DNAH9: variants seen among roughly 807,000 people sequenced by gnomAD.
The protein encoded by DNAH9 is DNAH9 variant protein.
A neutral mutation model predicts 471.6 loss-of-function variants in DNAH9; 345 were observed. The ratio of observed to expected loss-of-function variants is 0.73; its 90% CI spans 0.67 to 0.80. The LOEUF is 0.80. DNAH9 is among the 30% of genes least tolerant of loss of function. DNAH9 has a pLI of 0.00. For missense variants in DNAH9, 5,407 were observed against 5,609.2 expected, an observed-to-expected ratio of 0.96 and a Z score of 1.15; for synonymous variants, 2,093 against 2,123.6, an observed-to-expected ratio of 0.99 and a Z score of 0.40.
rs760330537 is a variant in DNAH9, at chr17:11,826,820, CTT to C, written c.9246+3807_9246+3808del. Reference sequence around the variant, plus strand: ...TGTCCTCTTGTTGAGTCCCTACTTTCTTTTTTTTTTTTTTTTTTTTTTGAGAC... The same window carrying C: ...TGTCCTCTTGTTGAGTCCCTACTTTCTTTTTTTTTTTTTTTTTTTTGAGAC... On this transcript the variant is annotated intron_variant, in intron 48 of 68. Transcript: ENST00000262442. Among the ~76,000 whole-genome samples the C allele has an allele frequency of 6.3e-3, 650 of 102,934 alleles. 4 individuals carry two copies. Among genetic ancestry groups the C allele is most frequent in the South Asian group, 0.019 (56 of 2,874 alleles). The allele number at this position is 102,934 out of a possible 152,430, so 67.5% of individuals were successfully genotyped here.
intron 43 of DNAH9, among the ~76,000 whole-genome samples, chr17:11,804,231 A>G (rs931424150): frequency 6.6e-6 from 1 of 152,248 alleles, no homozygotes; most frequent in African/African-American, 2.4e-5. Context: ...GTAAAATCAT[A>G]AAATTACTGA....
intron 17 of DNAH9, among the ~76,000 whole-genome samples, chr17:11,673,791 C>T (rs1308871429): frequency 6.6e-6 from 1 of 152,068 alleles, no homozygotes; most frequent in Non-Finnish European, 1.5e-5. Context: ...CAAGATGTTA[C>T]TAGGGTCCTA....
chr17:11,934,105 G>A (rs1974614354), intron 65 of DNAH9, 34 bp downstream of exon 65: 3 of 1,594,070 alleles, frequency 1.9e-6, no homozygotes, highest in South Asian at 1.1e-5. Context: ...GATGTCGTGA[G>A]GGTGCTCACA....
At chr17:11,745,595 G>C (rs1317527568) in intron 31 of DNAH9, among the ~76,000 whole-genome samples, 5 of 151,980 alleles carry the variant, frequency 3.3e-5, no homozygotes, top group Non-Finnish European at 4.4e-5. Flanking sequence ...GACAGACACA[G>C]ACACACACAC....
chr17:11,642,521 C>T (rs938037242), intron 10 of DNAH9, among the ~76,000 whole-genome samples: 16 of 152,112 alleles, frequency 1.1e-4, no homozygotes, highest in Admixed American at 9.8e-4. Flanking sequence ...CATTGCACTC[C>T]AGCCTGGGCA....
At chr17:11,684,971 G>C (rs2074213045) in intron 19 of DNAH9, among the ~76,000 whole-genome samples, 1 of 152,196 alleles carries the variant, frequency 6.6e-6, no homozygotes, top group Non-Finnish European at 1.5e-5. Flanking sequence ...CAGTTAACCT[G>C]ACTCATTCAC....
intron 17 of DNAH9, among the ~76,000 whole-genome samples, chr17:11,673,950 T>C (rs2074011405): frequency 6.6e-6 from 1 of 152,222 alleles, no homozygotes; most frequent in African/African-American, 2.4e-5. Flanking sequence ...TAAAACTTCA[T>C]AAAAATGATA....
intron 53 of DNAH9, among the ~76,000 whole-genome samples, chr17:11,876,033 T>C (rs1972467072): frequency 6.6e-6 from 1 of 152,122 alleles, no homozygotes; most frequent in African/African-American, 2.4e-5. Context: ...AACTGGTTAA[T>C]AACCAGTAAG....
At chr17:11,934,864 G>A (rs187827903) in intron 65 of DNAH9, among the ~76,000 whole-genome samples, 17 of 152,336 alleles carry the variant, frequency 1.1e-4, no homozygotes, top group Admixed American at 2.6e-4. Context: ...CTTGTGCCAA[G>A]ATCACTCAGG....
intron 35 of DNAH9, 82 bp from the exon 36 acceptor site, chr17:11,763,358 G>T: frequency 7.9e-7 from 1 of 1,261,982 alleles, no homozygotes; most frequent in East Asian, 2.3e-5. Flanking sequence ...CACTGAAACT[G>T]AGTGGTTCCA....
chr17:11,611,982 T>C (rs749566556), intron 4 of DNAH9: 5 of 618,816 alleles, frequency 8.1e-6, no homozygotes, highest in Non-Finnish European at 2.9e-6. Context: ...GTTCCACTGC[T>C]GTATGGCCTG....
chr17:11,934,038 C>T lies in DNAH9; in HGVS notation c.12456C>T (p.Leu4152=). 3 of 1,614,100 alleles carry T rather than the reference C, an allele frequency of 1.9e-6. No individual in the cohort carries two copies. The highest frequency in any genetic ancestry group is 2.5e-6 in the Non-Finnish European group (3 of 1,179,976). The change falls in exon 65 of 69, where the codon CTC becomes CTT. Residue 4152 remains leucine (L), a synonymous_variant. Coordinates refer to ENST00000262442, the MANE Select transcript of DNAH9 (RefSeq NM_001372.4). The part of the protein sequence containing the change: ...GELSLAPGFP[L]PGNMDYNGYH... Reference sequence around the variant, plus strand: ...TGTCTTTGGCCCCAGGGTTCCCACTCCCAGGCAACATGGACTACAATGGTT... The same window carrying T: ...TGTCTTTGGCCCCAGGGTTCCCACTTCCAGGCAACATGGACTACAATGGTT...
At chr17:11,954,246 G>A (rs1020888648) in intron 67 of DNAH9, among the ~76,000 whole-genome samples, 2 of 151,722 alleles carry the variant, frequency 1.3e-5, no homozygotes, top group African/African-American at 4.8e-5. Flanking sequence ...GGGGAAGGGG[G>A]GGGCCAAAAA....
intron 49 of DNAH9, 144 bp from the exon 50 acceptor site, chr17:11,853,859 T>G: frequency 1.3e-6 from 1 of 742,060 alleles, no homozygotes; most frequent in Non-Finnish European, 2.2e-6. Context: ...TTTTGATGAG[T>G]CATGATATTT....
At chr17:11,931,402 G>A (rs988291374) in intron 63 of DNAH9, among the ~76,000 whole-genome samples, 50 of 152,280 alleles carry the variant, frequency 3.3e-4, no homozygotes, top group African/African-American at 1.0e-3. Context: ...AACCTTTGGG[G>A]TCTGGTTTAA....
At chr17:11,674,911 G>A (rs932584200) in intron 17 of DNAH9, among the ~76,000 whole-genome samples, 9 of 152,106 alleles carry the variant, frequency 5.9e-5, no homozygotes, top group African/African-American at 2.2e-4. Context: ...ATCTGGCAGG[G>A]CAGGTCTCCA....
rs537510979 is a variant in DNAH9, at chr17:11,676,304, C to T, written c.3354-3453C>T. ...TTTTTTTTTTTTTTTTTTTTTGAGA[C>T]GGAGTTTCACTCTTGATGCCCAGGC... On this transcript the variant is annotated intron_variant, in intron 17 of 68. Transcript: ENST00000262442. Among the ~76,000 whole-genome samples the T allele has an allele frequency of 9.4e-3, 947 of 101,118 alleles. 7 individuals are homozygous for T. The highest frequency in any genetic ancestry group is 0.032 in the Middle Eastern group (3 of 94). 66.3% of individuals were successfully genotyped at this position (101,118 alleles called of 152,430 possible).
chr17:11,938,765 A>G (rs1038337075), intron 66 of DNAH9, among the ~76,000 whole-genome samples: 1 of 151,924 alleles, frequency 6.6e-6, no homozygotes, highest in African/African-American at 2.4e-5. Context: ...CGCCCTGCTA[A>G]TTTTTTAACT....
At chr17:11,920,195 C>A (rs565968408) in intron 61 of DNAH9, among the ~76,000 whole-genome samples, 1 of 151,944 alleles carries the variant, frequency 6.6e-6, no homozygotes, top group East Asian at 2.0e-4. Flanking sequence ...TGTCACCATG[C>A]CTGGCTAATT....
Sources: gnomAD v4.1 joint callset for allele counts (sites outside exome capture counted in the v4.1 genomes callset) on GRCh38, gnomAD v4.1.1 for gene constraint, MANE v1.5 for transcripts, NCBI Gene and HGNC (gene_info 2026-07-23, HGNC 2026-07-21) for gene names.